The following TCHH variants were observed in gnomAD, a reference collection of about 807,000 sequenced individuals.
TCHH encodes the protein trichohyalin.
In TCHH, 6 loss-of-function variants were observed where a neutral mutation model predicts 6.3. The ratio of observed to expected loss-of-function variants is 0.95; its 90% CI spans 0.52 to 1.88. The LOEUF is 1.88. TCHH is among the 40% of genes most tolerant of loss of function. The pLI is 0.01. For missense variants in TCHH, 2,920 were observed against 2,449.1 expected, an observed-to-expected ratio of 1.19 and a Z score of -4.06; for synonymous variants, 1,087 against 963.6, an observed-to-expected ratio of 1.13 and a Z score of -2.37.
Position 152,109,241 on chromosome 1 carries a change from C to T in TCHH, c.3976G>A (p.Glu1326Lys). Residue 1326 changes from glutamate (E) to lysine (K), a missense_variant, in exon 3 of 3, where the codon GAA becomes AAA. Physicochemically the swap from Glu to Lys is moderately conservative, Grantham distance 56. Coordinates refer to ENST00000614923, the MANE Select transcript of TCHH (RefSeq NM_007113.4). ...GTCTCTTGACGGCGTCTCTTCTCTT[C>T]TCTTTCCTCTCTCAGCAACTGCTTT... is the stretch of plus-strand genomic sequence containing the variant. Reference protein sequence around the residue: ...EEKQLLREEREEKRRRQETDR... With the variant: ...EEKQLLREERKEKRRRQETDR... The T allele has an allele frequency of 6.2e-7, 1 of 1,614,260 alleles. No individual in the cohort carries two copies. Among genetic ancestry groups the T allele is most frequent in the East Asian group, 2.2e-5 (1 of 44,892 alleles).
chr1:152,107,858 G>A lies in TCHH; in HGVS notation c.5359C>T (p.Gln1787Ter). ...CTGTCAGACTCTTGGCTGCGCAGCTGCTGTTCCTCCCTCTCCTGGCGGAGC... is the reference window on the plus strand; with the variant it reads ...CTGTCAGACTCTTGGCTGCGCAGCTACTGTTCCTCCCTCTCCTGGCGGAGC... ...EQLRQEREEQ[Q>*]LRSQESDRKF... The change falls in exon 3 of 3, where the codon CAG becomes TAG. Residue 1787 changes from glutamine to a stop codon, truncating the protein, a stop_gained. Coordinates refer to ENST00000614923, the MANE Select transcript of TCHH (RefSeq NM_007113.4). LOFTEE classifies it low-confidence loss of function (END_TRUNC). 6.2e-7 allele frequency: 1 copy of A among 1,614,028 alleles called. No homozygotes were observed. Among genetic ancestry groups the A allele is most frequent in the South Asian group, 1.1e-5 (1 of 91,084 alleles).
rs755512972 is a variant in TCHH at position 152,108,257 on chromosome 1, G to T, written c.4960C>A (p.Arg1654Ser). ...CGCAGCTGTTGTTCGCGCTCCTGGC[G>T]GCGCAGCTGCGGTTCCTCCTCGAGG... ...KFLEEEPQLRRQEREQQLRHD... is the reference protein window; with the variant it reads ...KFLEEEPQLRSQEREQQLRHD... Residue 1654 changes from arginine to serine, a missense_variant, in exon 3 of 3, where the codon CGC becomes AGC. Coordinates refer to ENST00000614923, the MANE Select transcript of TCHH (RefSeq NM_007113.4). The T allele has an allele frequency of 9.3e-6, 15 of 1,613,030 alleles. No homozygotes were observed. Among genetic ancestry groups the T allele is most frequent in the Non-Finnish European group, 1.3e-5 (15 of 1,179,668 alleles).
chr1:152,109,140 G>A lies in TCHH; in HGVS notation c.4077C>T (p.Asp1359=), dbSNP rs1288380467. 2 of 1,613,436 alleles carry A rather than the reference G, an allele frequency of 1.2e-6. No homozygotes were observed. The highest frequency in any genetic ancestry group is 1.1e-5 in the South Asian group (1 of 91,040). ...EEQPLRRQER[D]RKFREEELRH... is the part of the protein sequence containing the mutation. ...GCAGTTCCTCTTCGCGGAATTTTCT[G>A]TCACGCTCTTGGCGGCGCAGCGGCT... The change falls in exon 3 of 3, where the codon GAC becomes GAT. Residue 1359 remains aspartate, a synonymous_variant. Transcript: ENST00000614923.
rs1324892972 is a variant in TCHH, at chr1:152,107,040, C to T, written c.*345G>A. On this transcript the variant is annotated 3_prime_UTR_variant, in exon 3 of 3. Coordinates refer to ENST00000614923, the MANE Select transcript of TCHH (RefSeq NM_007113.4). ...CGACCCATTGTTTAGAATCTCAAAT[C>T]ATCCTATTACTCTTGTTACTTCTGA... The T allele has an allele frequency of 1.1e-5, 2 of 182,426 alleles. No homozygotes were observed. Among genetic ancestry groups the T allele is most frequent in the African/African-American group, 4.7e-5 (2 of 42,524 alleles). 11.3% of individuals were successfully genotyped at this position (182,426 alleles called of 1,614,324 possible).
At position 152,112,272 on chromosome 1, in the gene TCHH, G is replaced by A; in HGVS notation, c.945C>T (p.Arg315=). ...GCTCGCGCCTCTCCTCCTGCTGCTCGCGCCTCTCCTCCTCCTGCTTGCGCC... is the reference window on the plus strand; with the variant it reads ...GCTCGCGCCTCTCCTCCTGCTGCTCACGCCTCTCCTCCTCCTGCTTGCGCC... The part of the protein sequence containing the change: ...QLRRKQEEER[R]EQQEERREQQ... The change falls in exon 3 of 3, where the codon CGC becomes CGT. Residue 315 remains arginine (R), a synonymous_variant. Coordinates refer to ENST00000614923, the MANE Select transcript of TCHH (RefSeq NM_007113.4). The A allele has an allele frequency of 6.3e-7, 1 of 1,595,690 alleles. No individual in the cohort carries two copies. Among genetic ancestry groups the A allele is most frequent in the Non-Finnish European group, 8.5e-7 (1 of 1,176,018 alleles).
At position 152,114,042 on chromosome 1, in the gene TCHH, T is replaced by G; in HGVS notation, c.39A>C (p.Glu13Asp). ...PLLRSICDIT[E>D]IFNQYVSHDC... Reference sequence around the variant, plus strand: ...CATGAGAGACATACTGATTGAAAATTTCAGTGATGTCACAGATGCTTCTCA... The same window carrying G: ...CATGAGAGACATACTGATTGAAAATGTCAGTGATGTCACAGATGCTTCTCA... The change falls in exon 2 of 3, where the codon GAA (glutamate) becomes GAC (aspartate). Residue 13 changes from glutamate (E) to aspartate (D), a missense_variant. Glu to Asp is a conservative substitution (Grantham distance 45). Coordinates refer to ENST00000614923, the MANE Select transcript of TCHH (RefSeq NM_007113.4). The G allele has an allele frequency of 3.1e-6, 5 of 1,613,460 alleles. No homozygotes were observed. Among genetic ancestry groups the G allele is most frequent in the Non-Finnish European group, 4.2e-6 (5 of 1,179,824 alleles).
In TCHH at chr1:152,111,436, T is replaced by C. The variant is rs778853127; in HGVS notation, c.1781A>G (p.Gln594Arg). Reference sequence around the variant, plus strand: ...CAGTCGCTGCTCGAGCCTCTCTTCCTGCTCGCGCTTCAGCCGCTGCTGGCG... The same window carrying C: ...CAGTCGCTGCTCGAGCCTCTCTTCCCGCTCGCGCTTCAGCCGCTGCTGGCG... ...ERRQQRLKRE[Q>R]EERLEQRLKR... The change falls in exon 3 of 3, where the codon CAG (glutamine) becomes CGG (arginine). Residue 594 changes from glutamine to arginine, a missense_variant. By Grantham distance (43) the Gln-to-Arg change is conservative. Transcript: ENST00000614923. The C allele has an allele frequency of 3.1e-6, 5 of 1,609,080 alleles. No homozygotes were observed. The highest frequency in any genetic ancestry group is 4.2e-6 in the Non-Finnish European group (5 of 1,178,664).
In TCHH at chr1:152,112,465, G is replaced by A. The variant is rs776950494; in HGVS notation, c.752C>T (p.Thr251Ile). The change falls in exon 3 of 3, where the codon ACA becomes ATA. Residue 251 changes from threonine (T) to isoleucine (I), a missense_variant. Physicochemically the swap from Thr to Ile is moderately conservative, Grantham distance 89. Transcript: ENST00000614923. ...EEEKEWRKRETVLRKEEEKLQ... is the reference protein window; with the variant it reads ...EEEKEWRKREIVLRKEEEKLQ... ...CTTCTCTTCTTCCTTCCGGAGCACTGTCTCGCGCTTCCTCCACTCTTTCTC... is the reference window on the plus strand; with the variant it reads ...CTTCTCTTCTTCCTTCCGGAGCACTATCTCGCGCTTCCTCCACTCTTTCTC... The A allele has an allele frequency of 1.2e-6, 2 of 1,613,364 alleles. No individual in the cohort carries two copies. Among genetic ancestry groups the A allele is most frequent in the East Asian group, 2.2e-5 (1 of 44,832 alleles).
At position 152,111,111 on chromosome 1, in the gene TCHH, C is replaced by A; in HGVS notation, c.2106G>T (p.Pro702=). 6.2e-7 allele frequency: 1 copy of A among 1,613,688 alleles called. No individual in the cohort carries two copies. The highest frequency in any genetic ancestry group is 8.5e-7 in the Non-Finnish European group (1 of 1,180,022). ...QARERIKSRI[P]KWQWQLESEA... is the part of the protein sequence containing the mutation. ...CGCTTTCTAGCTGCCACTGCCACTT[C>A]GGGATGCGGCTCTTAATCCGCTCCC... Residue 702 remains proline (P), a synonymous_variant, in exon 3 of 3, where the codon CCG becomes CCT. Transcript: ENST00000614923.
rs764341511 is a variant in TCHH at position 152,110,877 on chromosome 1, G to A, written c.2340C>T (p.Gly780=). The A allele has an allele frequency of 6.2e-7, 1 of 1,610,490 alleles. No individual in the cohort carries two copies. Among genetic ancestry groups the A allele is most frequent in the Non-Finnish European group, 8.5e-7 (1 of 1,179,708 alleles). ...QWQAEEKSER[G]RQRLSARPPL... ...GGGGCCTGGCCGACAGCCTCTGACG[G>A]CCCCTCTCGCTCTTTTCCTCCGCCT... Residue 780 remains glycine (G), a synonymous_variant, in exon 3 of 3, where the codon GGC becomes GGT. Transcript: ENST00000614923.
In TCHH at chr1:152,111,707, C is replaced by T. The variant is rs1371515030; in HGVS notation, c.1510G>A (p.Glu504Lys). ...TCTTGCTCCCGCCTTAGTTGCTGCT[C>T]GCGCCTCTCCTGCTGCTCGCGCCTC... ...EERREQQERR[E>K]QQLRREQEER... The change falls in exon 3 of 3, where the codon GAG becomes AAG. Residue 504 changes from glutamate (E) to lysine (K), a missense_variant. Physicochemically the swap from Glu to Lys is moderately conservative, Grantham distance 56 (BLOSUM62 1). Coordinates refer to ENST00000614923, the MANE Select transcript of TCHH (RefSeq NM_007113.4). The T allele has an allele frequency of 6.4e-7, 1 of 1,573,508 alleles. No homozygotes were observed. The highest frequency in any genetic ancestry group is 1.7e-5 in the Admixed American group (1 of 57,702).
Position 152,112,536 on chromosome 1 carries a change from C to T in TCHH, c.681G>A (p.Gln227=). The T allele has an allele frequency of 6.2e-7, 1 of 1,613,506 alleles. No homozygotes were observed. Among genetic ancestry groups the T allele is most frequent in the Non-Finnish European group, 8.5e-7 (1 of 1,180,020 alleles). ...ELRRKGREEK[Q]QQRRERQDRV... ...TGTCTTGCCGCTCTCGCCTTTGCTG[C>T]TGTTTCTCCTCGCGGCCCTTCCTCC... Residue 227 remains glutamine (Q), a synonymous_variant, in exon 3 of 3, where the codon CAG becomes CAA. Transcript: ENST00000614923.
chr1:152,112,507 ACT>A lies in TCHH; in HGVS notation c.708_709del (p.Arg236SerfsTer441), dbSNP rs748317368. ...CTCTTTCTCTTCTTCCTCCTGGAAC[ACT>A]CTGTCTTGCCGCTCTCGCCTTTGCT... On this transcript the variant is annotated frameshift_variant, in exon 3 of 3. Transcript: ENST00000614923. LOFTEE classifies it low-confidence loss of function (END_TRUNC). The A allele has an allele frequency of 9.3e-6, 15 of 1,611,452 alleles. No individual in the cohort carries two copies. The highest frequency in any genetic ancestry group is 8.4e-5 in the Admixed American group (5 of 59,822).
In TCHH at chr1:152,110,734, T is replaced by C; in HGVS notation, c.2483A>G (p.Glu828Gly). ...EQRRRQRRER[E>G]KELQFLEEEE... ...TTCCTCCAGGAACTGCAGCTCTTTC[T>C]CCCTCTCGCGTCGCTGGCGGCGCCG... The change falls in exon 3 of 3, where the codon GAG becomes GGG. Residue 828 changes from glutamate to glycine, a missense_variant. Coordinates refer to ENST00000614923, the MANE Select transcript of TCHH (RefSeq NM_007113.4). The C allele has an allele frequency of 6.2e-7, 1 of 1,610,222 alleles. No homozygotes were observed. The highest frequency in any genetic ancestry group is 1.3e-5 in the African/African-American group (1 of 75,028).
rs781392497 is a variant in TCHH, at chr1:152,108,083, C to G, written c.5134G>C (p.Glu1712Gln). 6.2e-7 allele frequency: 1 copy of G among 1,613,662 alleles called. No homozygotes were observed. Among genetic ancestry groups the G allele is most frequent in the South Asian group, 1.1e-5 (1 of 91,066 alleles). Reference sequence around the variant, plus strand: ...TCCTGGCGGCGCAGCTGCTGTTCCTCCTGGAGGAATTTTCTCTCTCGTTCC... The same window carrying G: ...TCCTGGCGGCGCAGCTGCTGTTCCTGCTGGAGGAATTTTCTCTCTCGTTCC... Reference protein sequence around the residue: ...RQERERKFLQEEQQLRRQELE... With the variant: ...RQERERKFLQQEQQLRRQELE... The change falls in exon 3 of 3, where the codon GAG becomes CAG. Residue 1712 changes from glutamate (E) to glutamine (Q), a missense_variant. Physicochemically the swap from Glu to Gln is conservative, Grantham distance 29. Transcript: ENST00000614923.
In TCHH at chr1:152,109,670, G is replaced by A; in HGVS notation, c.3547C>T (p.Leu1183=). Residue 1183 remains leucine, a synonymous_variant, in exon 3 of 3, where the codon CTG becomes TTG. Coordinates refer to ENST00000614923, the MANE Select transcript of TCHH (RefSeq NM_007113.4). The part of the protein sequence containing the change: ...EEELQQEEEQ[L]LREEQEKRRQ... ...CTTTTCTCCTGTTCCTCTCTCAGCA[G>A]CTGCTCTTCCTCCTGCTGCAGCTCC... The A allele has an allele frequency of 6.2e-7, 1 of 1,608,928 alleles. No individual in the cohort carries two copies. The highest frequency in any genetic ancestry group is 8.5e-7 in the Non-Finnish European group (1 of 1,177,094).
At chr1:152,113,201 A>G in intron 2 of TCHH, 123 bp from the exon 3 acceptor site, 2 of 988,810 alleles carry the variant, frequency 2.0e-6, no homozygotes, top group Non-Finnish European at 2.9e-6. Context: ...AATTAGAAAA[A>G]TGTCCAGTGT....
In TCHH at chr1:152,111,255, C is replaced by G. The variant is rs1450821504; in HGVS notation, c.1962G>C (p.Arg654Ser). ...CCTCGCGCTTCAGCCGCTGCTCGCG[C>G]CTTTCCTGCTGCTCGCGCCTTAGTT... ...QQQLRREQQE[R>S]REQRLKREEE... Residue 654 changes from arginine to serine, a missense_variant, in exon 3 of 3, where the codon AGG becomes AGC. Transcript: ENST00000614923. The G allele has an allele frequency of 1.9e-6, 3 of 1,606,246 alleles. No homozygotes were observed. The South Asian group carries it at 3.3e-5, about 18-fold the overall frequency.
rs1350163339 is a variant in TCHH at position 152,108,247 on chromosome 1, C to T, written c.4970G>A (p.Arg1657His). Residue 1657 changes from arginine (R) to histidine (H), a missense_variant, in exon 3 of 3, where the codon CGC becomes CAC. By Grantham distance (29) the Arg-to-His change is conservative (BLOSUM62 0). Transcript: ENST00000614923. ...EEEPQLRRQE[R>H]EQQLRHDRDR... is the part of the protein sequence containing the mutation. Reference sequence around the variant, plus strand: ...GCGGTCGTGACGCAGCTGTTGTTCGCGCTCCTGGCGGCGCAGCTGCGGTTC... The same window carrying T: ...GCGGTCGTGACGCAGCTGTTGTTCGTGCTCCTGGCGGCGCAGCTGCGGTTC... The T allele has an allele frequency of 3.7e-6, 6 of 1,611,594 alleles. No homozygotes were observed. Among genetic ancestry groups the T allele is most frequent in the South Asian group, 3.3e-5 (3 of 90,860 alleles).
Sources: allele counts gnomAD v4.1 joint callset, GRCh38; gene constraint gnomAD v4.1.1; transcripts MANE v1.5; gene names NCBI Gene and HGNC (gene_info 2026-07-23, HGNC 2026-07-21).